LYPLAL1: variants seen among roughly 807,000 people sequenced by gnomAD.
LYPLAL1 encodes the protein lysophospholipase-like protein 1.
LYPLAL1 carries 23 observed loss-of-function variants against 19.7 expected under a neutral mutation model. The observed-to-expected ratio is 1.17, with a 90% CI of 0.84 to 1.65. The LOEUF (loss-of-function observed/expected upper bound fraction) is 1.65. Among genes scored for constraint, LYPLAL1 ranks in the 40% most tolerant of loss-of-function variants. The pLI, the probability that LYPLAL1 is intolerant of heterozygous loss-of-function variation, is 0.00. For synonymous variants in LYPLAL1, 119 were observed against 96.3 expected, an observed-to-expected ratio of 1.24 and a Z score of -1.38; for missense variants, 355 against 279.4, an observed-to-expected ratio of 1.27 and a Z score of -1.93.
At chr1:219,238,762 A>G in the LYPLAL1 span, among the ~76,000 whole-genome samples, 1 of 152,188 alleles carries the variant, frequency 6.6e-6, no homozygotes, top group Non-Finnish European at 1.5e-5. Flanking sequence ...ATAAACAACA[A>G]TATAAACCTC....
the LYPLAL1 span, among the ~76,000 whole-genome samples, chr1:219,368,728 A>G: frequency 3.3e-5 from 5 of 152,254 alleles, no homozygotes; most frequent in Non-Finnish European, 7.3e-5. Context: ...TATCTACACC[A>G]TTAAAGTAAA....
the LYPLAL1 span, among the ~76,000 whole-genome samples, chr1:219,254,599 A>T: frequency 2.6e-5 from 4 of 152,054 alleles, no homozygotes; most frequent in South Asian, 2.1e-4. Context: ...AGTTTTGAAC[A>T]TAGGCCCCCA....
At chr1:219,215,960 ATTACCC>A (rs1427646546), downstream of LYPLAL1, among the ~76,000 whole-genome samples, 1 of 152,112 alleles carries the variant, frequency 6.6e-6, no homozygotes, top group Non-Finnish European at 1.5e-5. Context: ...AATTTTTTAT[ATTACCC>A]TTACATTTTC....
intron 2 of LYPLAL1, among the ~76,000 whole-genome samples, chr1:219,185,434 T>C (rs1656647848): frequency 6.6e-6 from 1 of 151,978 alleles, no homozygotes; most frequent in Admixed American, 6.6e-5. Context: ...ATTAAATCTA[T>C]ACATTTCTCA....
At chr1:219,302,459 G>A in the LYPLAL1 span, among the ~76,000 whole-genome samples, 13 of 152,092 alleles carry the variant, frequency 8.5e-5, no homozygotes, top group South Asian at 6.2e-4. Flanking sequence ...TCCTTATGTT[G>A]GTGAGGTGTA....
At chr1:219,440,012 T>C in the LYPLAL1 span, among the ~76,000 whole-genome samples, 49 of 100,886 alleles carry the variant, frequency 4.9e-4, no homozygotes, top group Middle Eastern at 8.4e-3. Context: ...TATATATATA[T>C]ACACACACAC....
the LYPLAL1 span, among the ~76,000 whole-genome samples, chr1:219,430,445 G>A: frequency 6.6e-6 from 1 of 152,130 alleles, no homozygotes; most frequent in Non-Finnish European, 1.5e-5. Flanking sequence ...TTAAAGGCAG[G>A]AAGTAATGTC....
intron 3 of LYPLAL1, among the ~76,000 whole-genome samples, chr1:219,208,455 A>T (rs1219981415): frequency 6.6e-6 from 1 of 152,094 alleles, no homozygotes; most frequent in Non-Finnish European, 1.5e-5. Context: ...GATAAGCTTA[A>T]GAGATATTTG....
the LYPLAL1 span, among the ~76,000 whole-genome samples, chr1:219,248,668 G>A: frequency 1.3e-5 from 2 of 152,064 alleles, no homozygotes; most frequent in African/African-American, 4.8e-5. Flanking sequence ...TTTGCACAGA[G>A]ACTGCATTCG....
chr1:219,252,374 G>T, the LYPLAL1 span, among the ~76,000 whole-genome samples: 1 of 152,006 alleles, frequency 6.6e-6, no homozygotes, highest in Non-Finnish European at 1.5e-5. Context: ...TCAAGGTGAA[G>T]ACTTCTGGCT....
At chr1:219,363,569 C>A in the LYPLAL1 span, among the ~76,000 whole-genome samples, 1 of 152,086 alleles carries the variant, frequency 6.6e-6, no homozygotes. Flanking sequence ...AAACTGTAAA[C>A]CTGATCATGT....
chr1:219,397,197 T>C, the LYPLAL1 span, among the ~76,000 whole-genome samples: 83 of 152,372 alleles, frequency 5.4e-4, no homozygotes, highest in African/African-American at 1.9e-3. Context: ...TTTAGCTATG[T>C]TTATGTGATG....
chr1:219,350,200 A>G, the LYPLAL1 span, among the ~76,000 whole-genome samples: 2 of 152,130 alleles, frequency 1.3e-5, no homozygotes, highest in Non-Finnish European at 2.9e-5. Context: ...CATGTTTTCC[A>G]TTCAGATCGA....
chr1:219,354,730 T>C, the LYPLAL1 span, among the ~76,000 whole-genome samples: 1 of 152,210 alleles, frequency 6.6e-6, no homozygotes, highest in Non-Finnish European at 1.5e-5. Flanking sequence ...ATATTATTTG[T>C]AATTAATAGA....
the LYPLAL1 span, among the ~76,000 whole-genome samples, chr1:219,273,719 T>C: frequency 6.6e-6 from 1 of 152,200 alleles, no homozygotes; most frequent in Non-Finnish European, 1.5e-5. Flanking sequence ...ATACATTTTG[T>C]CCTCTTTCTG....
the LYPLAL1 span, among the ~76,000 whole-genome samples, chr1:219,444,970 GCTTTTGTA>G: frequency 6.6e-6 from 1 of 151,666 alleles, no homozygotes; most frequent in East Asian, 1.9e-4. Context: ...TCCAAAATGT[GCTTTTGTA>G]CTTTTGTAAA....
At chr1:219,225,963 G>T in the LYPLAL1 span, among the ~76,000 whole-genome samples, 1 of 152,238 alleles carries the variant, frequency 6.6e-6, no homozygotes, top group African/African-American at 2.4e-5. Flanking sequence ...TACCTGGAAT[G>T]CTCTTTCCTT....
At chr1:219,174,678 G>A (rs142479054) in intron 1 of LYPLAL1, among the ~76,000 whole-genome samples, 307 of 152,190 alleles carry the variant, frequency 2.0e-3, no homozygotes, top group South Asian at 0.013. Context: ...AATCACTTTT[G>A]TCTGTCTTCC....
the LYPLAL1 span, among the ~76,000 whole-genome samples, chr1:219,413,948 C>A: frequency 3.3e-5 from 5 of 152,204 alleles, no homozygotes; most frequent in Non-Finnish European, 5.9e-5. Flanking sequence ...GTAAAGACTT[C>A]TGCAAGCAAA....
Sources: gnomAD v4.1 joint callset for allele counts (sites outside exome capture counted in the v4.1 genomes callset) on GRCh38, gnomAD v4.1.1 for gene constraint, MANE v1.5 for transcripts, NCBI Gene and HGNC (gene_info 2026-07-23, HGNC 2026-07-21) for gene names.